Variants in CNTN1 observed in about 807,000 individuals in gnomAD.
The protein encoded by CNTN1 is contactin-1.
Under a neutral mutation model 126.4 loss-of-function variants are expected in CNTN1, and 38 were observed. The observed-to-expected ratio is 0.30, with a 90% CI of 0.23 to 0.39. CNTN1 has a LOEUF of 0.39. Among genes scored for constraint, CNTN1 ranks in the 10% least tolerant of loss-of-function variants. CNTN1 has a pLI of 1.00. For missense variants in CNTN1, 1,009 were observed against 1,248.4 expected, an observed-to-expected ratio of 0.81 and a Z score of 2.89; for synonymous variants, 413 against 422.6, an observed-to-expected ratio of 0.98 and a Z score of 0.28.
chr12:40,935,109 T>A (rs1279454461), intron 9 of CNTN1, among the ~76,000 whole-genome samples: 2 of 152,004 alleles, frequency 1.3e-5, no homozygotes, highest in East Asian at 3.9e-4. Flanking sequence ...TTAGACACAC[T>A]CTGTACCCTG....
At chr12:40,955,097 C>T (rs527732497) in intron 14 of CNTN1, among the ~76,000 whole-genome samples, 73 of 152,018 alleles carry the variant, frequency 4.8e-4, no homozygotes, top group African/African-American at 1.2e-3. Flanking sequence ...AACTCTTGCC[C>T]GAAATCACAT....
rs1368807207 is a variant in CNTN1 at position 41,056,939 on chromosome 12, AT to A, written c.2981-13017del. Among the ~76,000 whole-genome samples, 609 of 93,974 alleles carry A rather than the reference AT, an allele frequency of 6.5e-3. 27 individuals carry two copies. The highest frequency in any genetic ancestry group is 0.017 in the East Asian group (67 of 3,942). 61.7% of individuals were successfully genotyped at this position (93,974 alleles called of 152,430 possible). On this transcript the variant is annotated intron_variant, in intron 23 of 23. Transcript: ENST00000551295. ...TTATAATATTTAGATATTTATAAAT[AT>A]TTATAATATTTAGATATTTATAAAT...
intron 17 of CNTN1, among the ~76,000 whole-genome samples, chr12:40,996,683 T>C (rs1336278272): frequency 6.6e-6 from 1 of 152,196 alleles, no homozygotes; most frequent in Non-Finnish European, 1.5e-5. Context: ...AGAAGAAAGA[T>C]CATATAATTT....
At chr12:40,963,844 A>G (rs931649510) in intron 15 of CNTN1, among the ~76,000 whole-genome samples, 11 of 152,134 alleles carry the variant, frequency 7.2e-5, no homozygotes, top group African/African-American at 2.4e-4. Context: ...TTTAGCAAAC[A>G]ACATTTCTAA....
chr12:40,730,235 G>T (rs932763474), intron 1 of CNTN1, among the ~76,000 whole-genome samples: 1 of 152,244 alleles, frequency 6.6e-6, no homozygotes, highest in Non-Finnish European at 1.5e-5. Flanking sequence ...CAGGGCATGA[G>T]AATTTTGTAG....
rs79028607 is a variant in CNTN1, at chr12:41,050,715, G to A, written c.2981-19244G>A. ...TCTACCTTTGATATGAGCCATAAAT[G>A]AATAAATTAAACCTGTTTTTATATA... On this transcript the variant is annotated intron_variant, in intron 23 of 23. Transcript: ENST00000551295. Among the ~76,000 whole-genome samples the A allele has an allele frequency of 3.4e-4, 52 of 152,236 alleles. 1 individual carries two copies. In the East Asian group the frequency reaches 0.01, roughly 29 times the overall value.
intron 1 of CNTN1, among the ~76,000 whole-genome samples, chr12:40,826,975 G>A (rs2136538980): frequency 6.6e-6 from 1 of 152,136 alleles, no homozygotes; most frequent in Admixed American, 6.6e-5. Context: ...CACTTTTGGT[G>A]GAAAAATAAG....
intron 23 of CNTN1, among the ~76,000 whole-genome samples, chr12:41,056,059 C>A (rs1949795769): frequency 1.3e-5 from 2 of 152,198 alleles, no homozygotes; most frequent in South Asian, 4.1e-4. Flanking sequence ...CTGGGCCTGG[C>A]CAGATACTTC....
chr12:40,735,271 T>A (rs56334222), intron 1 of CNTN1, among the ~76,000 whole-genome samples: 21,083 of 152,154 alleles, frequency 0.14, 1,676 homozygotes, highest in African/African-American at 0.21. Context: ...GTCAATTTAG[T>A]ACTCTTATTT....
At chr12:40,746,900 A>G (rs7974699) in intron 1 of CNTN1, among the ~76,000 whole-genome samples, 147,046 of 152,072 alleles carry the variant, frequency 0.97, 71,137 homozygotes, top group Non-Finnish European at 0.99. Flanking sequence ...AGGTGTTTTT[A>G]TCTATTAGGA....
chr12:41,028,095 A>T, intron 22 of CNTN1, 126 bp downstream of exon 22: 1 of 689,478 alleles, frequency 1.5e-6, no homozygotes, highest in Non-Finnish European at 2.6e-6. Flanking sequence ...GCAGTGGTAC[A>T]ATCTTGGCTC....
At chr12:40,841,212 A>G (rs915418076) in intron 1 of CNTN1, among the ~76,000 whole-genome samples, 6 of 152,060 alleles carry the variant, frequency 3.9e-5, no homozygotes, top group Non-Finnish European at 7.4e-5. Flanking sequence ...CTAGAAACAT[A>G]CAACCTACCA....
intron 1 of CNTN1, among the ~76,000 whole-genome samples, chr12:40,727,551 G>C (rs1579797): frequency 0.12 from 18,343 of 151,894 alleles, 1,962 homozygotes; most frequent in East Asian, 0.48. Flanking sequence ...TAAACATATT[G>C]GATTTAAGTG....
intron 8 of CNTN1, 61 bp from the exon 9 acceptor site, chr12:40,933,636 A>G: frequency 6.4e-7 from 1 of 1,553,088 alleles, no homozygotes; most frequent in Non-Finnish European, 8.9e-7. Context: ...TTTAGCTATA[A>G]ACATAAAGTA....
In CNTN1 at chr12:41,067,763, TA is replaced by T. The variant is rs534015359; in HGVS notation, c.2981-2194del. Among the ~76,000 whole-genome samples the T allele has an allele frequency of 1.4e-3, 186 of 134,902 alleles. 2 individuals carry two copies. The East Asian group carries it at 0.021, about 15-fold the overall frequency. The allele number at this position is 134,902 out of a possible 152,430, so 88.5% of individuals were successfully genotyped here. ...CACATGTACCCTAAAACTTAAAGTA[TA>T]ATAAAAAAAAAAAGGCTTCAGGATG... On this transcript the variant is annotated intron_variant, in intron 23 of 23. Coordinates refer to ENST00000551295, the MANE Select transcript of CNTN1 (RefSeq NM_001843.4).
intron 1 of CNTN1, among the ~76,000 whole-genome samples, chr12:40,860,765 C>A (rs866017269): frequency 6.6e-6 from 1 of 152,126 alleles, no homozygotes; most frequent in Middle Eastern, 3.4e-3. Flanking sequence ...CTCTGCAAAC[C>A]CCAGCATTTA....
chr12:40,775,826 G>A (rs1014450050), intron 1 of CNTN1, among the ~76,000 whole-genome samples: 10 of 151,644 alleles, frequency 6.6e-5, no homozygotes, highest in East Asian at 1.9e-4. Context: ...GAAACATTGC[G>A]GGGTAACATT....
intron 14 of CNTN1, among the ~76,000 whole-genome samples, chr12:40,946,430 G>T (rs985662549): frequency 6.6e-6 from 1 of 151,998 alleles, no homozygotes; most frequent in Non-Finnish European, 1.5e-5. Flanking sequence ...AATAGCATTT[G>T]TTCATTAAGA....
At chr12:40,712,690 G>A (rs546198205) in intron 1 of CNTN1, among the ~76,000 whole-genome samples, 1 of 152,210 alleles carries the variant, frequency 6.6e-6, no homozygotes, top group East Asian at 1.9e-4. Flanking sequence ...TTATTTTGCA[G>A]CATTATCAGA....
Sources: allele counts gnomAD v4.1 joint callset (sites outside exome capture counted in the v4.1 genomes callset), GRCh38; gene constraint gnomAD v4.1.1; transcripts MANE v1.5; gene names NCBI Gene and HGNC (gene_info 2026-07-23, HGNC 2026-07-21).